The following RLN2 variants were observed in gnomAD, a reference collection of about 807,000 sequenced individuals.
RLN2 encodes relaxin 2.
In RLN2, 10 loss-of-function variants were observed where a neutral mutation model predicts 7.3. That is an observed-to-expected ratio of 1.36 (90% CI 0.84 to 2.31). The LOEUF (loss-of-function observed/expected upper bound fraction) is 2.31, where lower values mean the gene tolerates loss of function less well. Ranked by LOEUF, RLN2 falls within the 30% of genes most tolerant of loss-of-function variation. The pLI is 0.00. For missense variants in RLN2, 298 were observed against 217.6 expected (o/e 1.37, Z -2.32); for synonymous variants, 103 against 82.3 (o/e 1.25, Z -1.36).
chr9:5,327,172 G>A, the RLN2 span, among the ~76,000 whole-genome samples: 2 of 152,044 alleles, frequency 1.3e-5, no homozygotes, highest in African/African-American at 4.8e-5. Context: ...TGTAGCTGGA[G>A]AAAGGGTACA....
chr9:5,314,866 T>C, the RLN2 span, among the ~76,000 whole-genome samples: 1 of 151,438 alleles, frequency 6.6e-6, no homozygotes, highest in Non-Finnish European at 1.5e-5. Flanking sequence ...TCCTGGGGCC[T>C]AAGTTGCAAT....
At chr9:5,325,905 G>C in the RLN2 span, among the ~76,000 whole-genome samples, 1 of 151,880 alleles carries the variant, frequency 6.6e-6, no homozygotes, top group African/African-American at 2.4e-5. Flanking sequence ...TTCTATTGTG[G>C]AAGCAGCTTC....
the RLN2 span, among the ~76,000 whole-genome samples, chr9:5,316,159 C>T: frequency 1.3e-5 from 2 of 151,832 alleles, no homozygotes; most frequent in African/African-American, 2.4e-5. Flanking sequence ...TTAAGAAGCA[C>T]ATAATTTTTG....
the RLN2 span, among the ~76,000 whole-genome samples, chr9:5,331,700 G>C: frequency 6.6e-6 from 1 of 151,892 alleles, no homozygotes; most frequent in Non-Finnish European, 1.5e-5. Context: ...ATAGCATTAG[G>C]AGAAATACCT....
At chr9:5,330,856 C>G in the RLN2 span, among the ~76,000 whole-genome samples, 2 of 149,230 alleles carry the variant, frequency 1.3e-5, no homozygotes, top group Admixed American at 1.3e-4. Flanking sequence ...ACTAGCAACA[C>G]TAATTAAGAA....
chr9:5,300,209 T>C lies in RLN2; in HGVS notation c.447A>G (p.Lys149=). The part of the protein sequence containing the change: ...EAADSSPSEL[K]YLGLDTHSRK... ...GAGAATGAGTATCCAAGCCTAAGTA[T>C]TTTAATTCTGAAGGACTGCTGTCTG... is the stretch of plus-strand genomic sequence containing the variant. Residue 149 remains lysine, a synonymous_variant, in exon 2 of 2, where the codon AAA becomes AAG. Transcript: ENST00000381627. 4 of 1,614,058 alleles carry C rather than the reference T, an allele frequency of 2.5e-6. No homozygotes were observed. Among genetic ancestry groups the C allele is most frequent in the Non-Finnish European group, 3.4e-6 (4 of 1,179,922 alleles).
At chr9:5,305,400 C>G (rs865859390), upstream of RLN2, among the ~76,000 whole-genome samples, 244 of 124,160 alleles carry the variant, frequency 2.0e-3, 1 homozygote, top group Middle Eastern at 0.012. Context: ...CACACACACA[C>G]ACAGAGAGAG....
At chr9:5,334,090 T>C in the RLN2 span, among the ~76,000 whole-genome samples, 3 of 152,116 alleles carry the variant, frequency 2.0e-5, no homozygotes, top group Admixed American at 6.5e-5. Context: ...GCTGGAAGCA[T>C]TCCCCTTGAA....
the RLN2 span, among the ~76,000 whole-genome samples, chr9:5,315,310 A>T: frequency 6.6e-6 from 1 of 151,770 alleles, no homozygotes; most frequent in African/African-American, 2.4e-5. Flanking sequence ...TGAAGAAAAT[A>T]AAAAATACAA....
the RLN2 span, among the ~76,000 whole-genome samples, chr9:5,330,397 G>C: frequency 6.6e-6 from 1 of 151,940 alleles, no homozygotes; most frequent in Admixed American, 6.6e-5. Context: ...CCAGCACTTT[G>C]GGAGGCAGAG....
the RLN2 span, among the ~76,000 whole-genome samples, chr9:5,316,321 T>A: frequency 4.6e-5 from 7 of 152,108 alleles, 1 homozygote; most frequent in African/African-American, 1.7e-4. Context: ...CTTTTTTTTA[T>A]TACACTTTAA....
At chr9:5,304,806 C>G (rs1563736065), upstream of RLN2, 4 of 576,002 alleles carry the variant, frequency 6.9e-6, no homozygotes, top group East Asian at 1.2e-4. Context: ...CCCCTCAGCT[C>G]TTGGTCTCCC....
chr9:5,314,743 C>T, the RLN2 span, among the ~76,000 whole-genome samples: 13 of 152,120 alleles, frequency 8.5e-5, no homozygotes, highest in East Asian at 2.3e-3. Context: ...GTGACATCTG[C>T]CCTCTGCTAT....
At chr9:5,300,537 A>T in intron 1 of RLN2, 93 bp from the exon 2 acceptor site, 1 of 787,760 alleles carries the variant, frequency 1.3e-6, no homozygotes, top group Non-Finnish European at 2.0e-6. Flanking sequence ...ACAAAAAAGC[A>T]TTGCCTCAGT....
At chr9:5,311,648 C>T in the RLN2 span, 8 of 1,328,220 alleles carry the variant, frequency 6.0e-6, no homozygotes, top group Non-Finnish European at 8.6e-6. Context: ...GGGGAATAAC[C>T]CTGCAGAAAA....
the RLN2 span, among the ~76,000 whole-genome samples, chr9:5,315,822 C>T: frequency 6.6e-5 from 10 of 152,004 alleles, no homozygotes; most frequent in African/African-American, 2.4e-4. Flanking sequence ...AAAAAATTTT[C>T]AGGTGAGAAT....
At chr9:5,300,525 A>G (rs1456709281) in intron 1 of RLN2, 81 bp from the exon 2 acceptor site, 9 of 903,210 alleles carry the variant, frequency 1.0e-5, no homozygotes, top group South Asian at 1.7e-5. Flanking sequence ...ATGTTTGCAT[A>G]GACAAAAAAG....
chr9:5,300,256 GA>G lies in RLN2; in HGVS notation c.399del (p.Arg134AlafsTer15). On this transcript the variant is annotated frameshift_variant, in exon 2 of 2. Coordinates refer to ENST00000381627, the MANE Select transcript of RLN2 (RefSeq NM_134441.3). LOFTEE classifies it low-confidence loss of function (END_TRUNC). ...SLLFEEFKKL[I>X]RNRQSEAADS... is the part of the protein sequence containing the mutation. The stretch of plus-strand genomic sequence containing the variant: ...TCTGCGGCTTCACTTTGTCTATTGC[GA>G]ATAAGTTTCTTAAATTCTTCAAAGA... 1.2e-6 allele frequency: 2 copies of G among 1,613,888 alleles called. No homozygotes were observed. Among genetic ancestry groups the G allele is most frequent in the Non-Finnish European group, 1.7e-6 (2 of 1,179,898 alleles).
At chr9:5,333,404 A>G in the RLN2 span, among the ~76,000 whole-genome samples, 1 of 152,064 alleles carries the variant, frequency 6.6e-6, no homozygotes, top group Non-Finnish European at 1.5e-5. Context: ...CCTCTATGCA[A>G]ATAAACTGGA....
Sources: gnomAD v4.1 joint callset for allele counts (sites outside exome capture counted in the v4.1 genomes callset) on GRCh38, gnomAD v4.1.1 for gene constraint, MANE v1.5 for transcripts, NCBI Gene and HGNC (gene_info 2026-07-23, HGNC 2026-07-21) for gene names.